The following TCF7 variants were observed in gnomAD, a reference collection of about 807,000 sequenced individuals.
The protein encoded by TCF7 is transcription factor 7, also known as T-cell-factor-7.
TCF7 carries 19 observed loss-of-function variants against 46.8 expected under a neutral mutation model. The ratio of observed to expected loss-of-function variants is 0.41; its 90% confidence interval spans 0.28 to 0.60. TCF7 has a LOEUF of 0.60. TCF7 is among the 20% of genes least tolerant of loss of function. The pLI is 0.35. For missense variants in TCF7, 547 were observed against 504.6 expected, an observed-to-expected ratio of 1.08 and a Z score of -0.81; for synonymous variants, 245 against 213.4, an observed-to-expected ratio of 1.15 and a Z score of -1.29.
chr5:134,141,002 TC>T (rs1759667689), intron 5 of TCF7: 1 of 322,752 alleles, frequency 3.1e-6, no homozygotes, highest in Non-Finnish European at 6.1e-6. Context: ...TGTCCATCTG[TC>T]CGTCTGTCAT....
chr5:134,143,662 AGTG>A (rs1760230273), intron 9 of TCF7, 22 bp downstream of exon 9: 1 of 1,613,440 alleles, frequency 6.2e-7, no homozygotes, highest in Non-Finnish European at 8.5e-7. Context: ...TCTCAGCAGC[AGTG>A]GAGGCTCCTC....
In TCF7 at chr5:134,143,801, T is replaced by G. The variant is rs555678313; in HGVS notation, c.1075+161T>G. The G allele has an allele frequency of 7.7e-5, 57 of 738,852 alleles. 2 individuals carry two copies. In the South Asian group the frequency reaches 9.4e-4, roughly 12 times the overall value. 45.8% of individuals were successfully genotyped at this position (738,852 alleles called of 1,614,324 possible). ...CTGCATCTCACAAGTCAAATTCCCATGCAAGAAACAGCTATATTATACTAA... is the reference window on the plus strand; with the variant it reads ...CTGCATCTCACAAGTCAAATTCCCAGGCAAGAAACAGCTATATTATACTAA... On this transcript the variant is annotated intron_variant, in intron 9 of 9. Coordinates refer to ENST00000342854, the MANE Select transcript of TCF7 (RefSeq NM_003202.5).
At position 134,146,112 on chromosome 5, in the gene TCF7, G is replaced by T. The variant is rs1053953571; in HGVS notation, c.1076-112G>T. 7 of 1,607,654 alleles carry T rather than the reference G, an allele frequency of 4.4e-6. No individual in the cohort carries two copies. The African/African-American group carries it at 6.7e-5, about 15-fold the overall frequency. ...CACTGACTTACCACCCAAGTCCCAG[G>T]AAGAGAGGACAAGGAATCAGCCAGG... is the stretch of plus-strand genomic sequence containing the variant. On this transcript the variant is annotated intron_variant, in intron 9 of 9. Coordinates refer to ENST00000342854, the MANE Select transcript of TCF7 (RefSeq NM_003202.5).
Position 134,114,904 on chromosome 5 carries a change from A to C in TCF7, c.-3A>C. On this transcript the variant is annotated 5_prime_UTR_variant, in exon 1 of 10. Coordinates refer to ENST00000342854, the MANE Select transcript of TCF7 (RefSeq NM_003202.5). ...CCCCGCGCCCCGGCGGGCGGAGCGCACCATGCCGCAGCTGGACTCCGGCGG... is the reference window on the plus strand; with the variant it reads ...CCCCGCGCCCCGGCGGGCGGAGCGCCCCATGCCGCAGCTGGACTCCGGCGG... 1 of 1,010,314 alleles carries C rather than the reference A, an allele frequency of 9.9e-7. No individual in the cohort carries two copies. Among genetic ancestry groups the C allele is most frequent in the Non-Finnish European group, 1.2e-6 (1 of 846,676 alleles). The allele number at this position is 1,010,314 out of a possible 1,614,324, so 62.6% of individuals were successfully genotyped here. A position where few individuals can be genotyped will look rare whatever the true frequency, so the allele number is the denominator to read the frequency against.
At chr5:134,129,621 T>G (rs1757830184) in intron 3 of TCF7, among the ~76,000 whole-genome samples, 1 of 152,106 alleles carries the variant, frequency 6.6e-6, no homozygotes, top group African/African-American at 2.4e-5. Flanking sequence ...CACCTCAAAG[T>G]GGAGGAAGGA....
Position 134,146,902 on chromosome 5 carries a change from A to G in TCF7, c.*599A>G, listed in dbSNP as rs988821766. ...CATCTCCCCCATCCCCCACTGCCACACCCTCCCCATTCAGACACTTCATGG... is the reference window on the plus strand; with the variant it reads ...CATCTCCCCCATCCCCCACTGCCACGCCCTCCCCATTCAGACACTTCATGG... On this transcript the variant is annotated 3_prime_UTR_variant, in exon 10 of 10. Coordinates refer to ENST00000342854, the MANE Select transcript of TCF7 (RefSeq NM_003202.5). The G allele has an allele frequency of 3.9e-6, 1 of 257,304 alleles. No homozygotes were observed. The highest frequency in any genetic ancestry group is 2.3e-5 in the African/African-American group (1 of 43,100). 15.9% of individuals were successfully genotyped at this position (257,304 alleles called of 1,614,324 possible).
chr5:134,135,456 G>A lies in TCF7; in HGVS notation c.442-2603G>A, dbSNP rs374308587. Among the ~76,000 whole-genome samples, 53 of 152,276 alleles carry A rather than the reference G, an allele frequency of 3.5e-4. No individual in the cohort carries two copies. In the South Asian group the frequency reaches 5.4e-3, roughly 15 times the overall value. On this transcript the variant is annotated intron_variant, in intron 3 of 9. Coordinates refer to ENST00000342854, the MANE Select transcript of TCF7 (RefSeq NM_003202.5). ...AGTGATGGTGGCTTGGACTGGGTGC[G>A]GGCAAGGAGGAAGTGGTGGGATTCT...
intron 5 of TCF7, 160 bp from the exon 6 acceptor site, chr5:134,142,025 T>G: frequency 2.1e-6 from 2 of 965,632 alleles, no homozygotes; most frequent in South Asian, 2.0e-5. Context: ...GGAGCAGGTA[T>G]TTGTATTTAT....
At chr5:134,131,783 T>C (rs1006480872) in intron 3 of TCF7, among the ~76,000 whole-genome samples, 1 of 152,174 alleles carries the variant, frequency 6.6e-6, no homozygotes, top group Non-Finnish European at 1.5e-5. Flanking sequence ...AAGTGACCCT[T>C]AGACTGAGGT....
intron 9 of TCF7, chr5:134,144,566 A>C: frequency 1.9e-6 from 1 of 531,694 alleles, no homozygotes; most frequent in Non-Finnish European, 3.4e-6. Flanking sequence ...CATTCTTCCC[A>C]CTGCCTCTAC....
chr5:134,133,693 C>T (rs1758466260), intron 3 of TCF7, among the ~76,000 whole-genome samples: 1 of 152,148 alleles, frequency 6.6e-6, no homozygotes, highest in Non-Finnish European at 1.5e-5. Context: ...GATGCTCTGC[C>T]CTGGAGCCCT....
rs760885402 is a variant in TCF7 at position 134,146,516 on chromosome 5, GCC to G, written c.*214_*215del. On this transcript the variant is annotated 3_prime_UTR_variant, in exon 10 of 10. Coordinates refer to ENST00000342854, the MANE Select transcript of TCF7 (RefSeq NM_003202.5). ...GCAACAGGAATCTCAGAGACAGGTG[GCC>G]TAGCAGGCACAGGACACCTGGCCGC... The G allele has an allele frequency of 1.4e-6, 1 of 730,740 alleles. No homozygotes were observed. Among genetic ancestry groups the G allele is most frequent in the Non-Finnish European group, 2.5e-6 (1 of 396,132 alleles). The allele number at this position is 730,740 out of a possible 1,614,324, so 45.3% of individuals were successfully genotyped here. A position where few individuals can be genotyped will look rare whatever the true frequency, so the allele number is the denominator to read the frequency against.
At chr5:134,113,494 G>C (rs1429076900), upstream of TCF7, among the ~76,000 whole-genome samples, 1 of 152,234 alleles carries the variant, frequency 6.6e-6, no homozygotes, top group Non-Finnish European at 1.5e-5. Flanking sequence ...GGTCCTGTGG[G>C]GCCCTCAGAG....
intron 3 of TCF7, among the ~76,000 whole-genome samples, chr5:134,122,612 T>G (rs2149288701): frequency 6.6e-6 from 1 of 152,242 alleles, no homozygotes; most frequent in East Asian, 1.9e-4. Flanking sequence ...GTCGCATAAC[T>G]GCTGAGGTCA....
chr5:134,124,903 C>A (rs971837336), intron 3 of TCF7, among the ~76,000 whole-genome samples: 2 of 152,180 alleles, frequency 1.3e-5, no homozygotes, highest in Non-Finnish European at 2.9e-5. Flanking sequence ...CAAATCACCT[C>A]CTCCCAGGAA....
intron 3 of TCF7, among the ~76,000 whole-genome samples, chr5:134,121,616 C>T (rs1756595396): frequency 6.6e-6 from 1 of 151,712 alleles, no homozygotes; most frequent in Admixed American, 6.6e-5. Flanking sequence ...AAAAAACCCT[C>T]ATGGCCATCA....
At chr5:134,115,285 C>G in intron 1 of TCF7, 36 bp from the exon 2 acceptor site, 1 of 1,518,292 alleles carries the variant, frequency 6.6e-7, no homozygotes, top group Non-Finnish European at 8.8e-7. Flanking sequence ...CCCCGCGGTC[C>G]CACCGCCCCT....
the TCF7 span, among the ~76,000 whole-genome samples, chr5:134,109,091 A>C: frequency 6.6e-6 from 1 of 151,434 alleles, no homozygotes; most frequent in South Asian, 2.1e-4. Flanking sequence ...GGGCCTGCTA[A>C]CTACTTCCTG....
At chr5:134,133,613 C>T (rs1012682224) in intron 3 of TCF7, among the ~76,000 whole-genome samples, 3 of 152,106 alleles carry the variant, frequency 2.0e-5, no homozygotes, top group African/African-American at 4.8e-5. Flanking sequence ...TACCACCGGG[C>T]GCAAAGCGGG....
Sources: allele counts gnomAD v4.1 joint callset (sites outside exome capture counted in the v4.1 genomes callset), GRCh38; gene constraint gnomAD v4.1.1; transcripts MANE v1.5; gene names NCBI Gene and HGNC (gene_info 2026-07-23, HGNC 2026-07-21).